Variants in OTOP2 observed in about 807,000 individuals in gnomAD.
The protein encoded by OTOP2 is proton channel OTOP2.
In OTOP2, 41 loss-of-function variants were observed where a neutral mutation model predicts 47.4. That is an observed-to-expected ratio of 0.87 (90% CI 0.67 to 1.12). The LOEUF (loss-of-function observed/expected upper bound fraction) is 1.12. Ranked by LOEUF, OTOP2 falls within the 50% of genes most tolerant of loss-of-function variation. The pLI, the probability that OTOP2 is intolerant of heterozygous loss-of-function variation, is 0.00. For synonymous variants in OTOP2, 328 were observed against 319.6 expected, an observed-to-expected ratio of 1.03 and a Z score of -0.28; for missense variants, 721 against 752.2, an observed-to-expected ratio of 0.96 and a Z score of 0.49.
rs370822492 is a variant in OTOP2 at position 74,930,310 on chromosome 17, C to T, written c.675C>T (p.Ser225=). Residue 225 remains serine (S), a synonymous_variant, in exon 6 of 7, where the codon TCC becomes TCT. Coordinates refer to ENST00000331427, the MANE Select transcript of OTOP2 (RefSeq NM_178160.3). The surrounding 1 kb of genome is among the most constrained non-coding windows in gnomAD (Gnocchi z 4.0). Reference sequence around the variant, plus strand: ...CAGACAACCCGGTCGGAGGAGACTCCTGCCTCTGCAGCACGGCCGTCTGCC... The same window carrying T: ...CAGACAACCCGGTCGGAGGAGACTCTTGCCTCTGCAGCACGGCCGTCTGCC... The part of the protein sequence containing the change: ...QHADNPVGGD[S]CLCSTAVCQI... The T allele has an allele frequency of 1.9e-6, 3 of 1,613,916 alleles. No individual in the cohort carries two copies. The highest frequency in any genetic ancestry group is 2.5e-6 in the Non-Finnish European group (3 of 1,179,856).
At chr17:74,927,488 ACCT>A (rs1206571191) in intron 4 of OTOP2, 174 bp from the exon 5 acceptor site, 3 of 1,066,410 alleles carry the variant, frequency 2.8e-6, no homozygotes, top group African/African-American at 3.2e-5. Context: ...CCCCGGGAAA[ACCT>A]CCTAGCCCTC....
In OTOP2 at chr17:74,924,404, G is replaced by T; in HGVS notation, c.-34+71G>T. On this transcript the variant is annotated intron_variant, in intron 1 of 6. Coordinates refer to ENST00000331427, the MANE Select transcript of OTOP2 (RefSeq NM_178160.3). The surrounding 1 kb of genome is among the most constrained non-coding windows in gnomAD (Gnocchi z 7.7). ...CCTTGGAGGGGTCCAACCGGGTGCT[G>T]CCGCTTCTCCTTTCTTCCCATCCAG... is the stretch of plus-strand genomic sequence containing the variant. The T allele has an allele frequency of 1.8e-6, 1 of 548,058 alleles. No individual in the cohort carries two copies. Among genetic ancestry groups the T allele is most frequent in the Non-Finnish European group, 3.1e-6 (1 of 319,220 alleles). The allele number at this position is 548,058 out of a possible 1,614,324, so 33.9% of individuals were successfully genotyped here.
At chr17:74,925,237 G>A (rs1371854373) in intron 2 of OTOP2, among the ~76,000 whole-genome samples, 1 of 152,068 alleles carries the variant, frequency 6.6e-6, no homozygotes, top group African/African-American at 2.4e-5. Flanking sequence ...CCAGAAGATG[G>A]CAGCCACTGA....
Position 74,924,941 on chromosome 17 carries a change from C to T in OTOP2, c.309C>T (p.Leu103=), listed in dbSNP as rs1439956024. ...YRDAHAGPIW[L]RGGLVLFGIC... The stretch of plus-strand genomic sequence containing the variant: ...ACGCGCACGCTGGCCCCATCTGGCT[C>T]CGAGGTGCCAGGGGAGGTGGGGGCG... Residue 103 remains leucine (L), a synonymous_variant, in exon 2 of 7, where the codon CTC becomes CTT. Transcript: ENST00000331427. The surrounding 1 kb of genome is among the most constrained non-coding windows in gnomAD (Gnocchi z 7.7). 1 of 1,558,376 alleles carries T rather than the reference C, an allele frequency of 6.4e-7. No individual in the cohort carries two copies. The highest frequency in any genetic ancestry group is 1.3e-5 in the African/African-American group (1 of 74,140).
chr17:74,927,329 T>C, intron 4 of OTOP2, 48 bp downstream of exon 4: 1 of 1,566,590 alleles, frequency 6.4e-7, no homozygotes, highest in Non-Finnish European at 8.8e-7. Flanking sequence ...GGTGTTCACC[T>C]TGCAGGAGAG....
In OTOP2 at chr17:74,927,297, C is replaced by T. The variant is rs745446779; in HGVS notation, c.509+16C>T. 1.9e-6 allele frequency: 3 copies of T among 1,608,324 alleles called. No homozygotes were observed. The highest frequency in any genetic ancestry group is 2.2e-5 in the East Asian group (1 of 44,868). On this transcript the variant is annotated intron_variant, in intron 4 of 6. Coordinates refer to ENST00000331427, the MANE Select transcript of OTOP2 (RefSeq NM_178160.3). ...ATCTGACCTGGTGAGAACTGCAGCT[C>T]GATGCCTGTACCCAGCGTGCTGGTG...
chr17:74,932,276 T>C (rs1174589812), intron 6 of OTOP2, among the ~76,000 whole-genome samples: 1 of 152,090 alleles, frequency 6.6e-6, no homozygotes, highest in Non-Finnish European at 1.5e-5. Context: ...TTAATGTGGG[T>C]ATATCCCAGG....
In OTOP2 at chr17:74,930,727, G is replaced by T. The variant is rs150890021; in HGVS notation, c.1092G>T (p.Thr364=). The T allele has an allele frequency of 2.1e-4, 345 of 1,614,018 alleles. 2 individuals carry two copies. In the Middle Eastern group the frequency reaches 2.8e-3, roughly 13 times the overall value. ...RRAMDHHKNP[T]RTLDVALLMG... is the part of the protein sequence containing the mutation. ...CCATGGACCACCATAAGAACCCCAC[G>T]CGCACTCTGGACGTGGCCCTGCTGA... The change falls in exon 6 of 7, where the codon ACG becomes ACT. Residue 364 remains threonine, a synonymous_variant. Coordinates refer to ENST00000331427, the MANE Select transcript of OTOP2 (RefSeq NM_178160.3). This position sits in a 1 kb window ranked among gnomAD's most constrained non-coding sequence, Gnocchi z 4.0.
intron 2 of OTOP2, among the ~76,000 whole-genome samples, chr17:74,925,347 C>T (rs905867114): frequency 1.3e-5 from 2 of 152,078 alleles, no homozygotes; most frequent in African/African-American, 4.8e-5. Flanking sequence ...ATACACTCAC[C>T]CTTCCATCCA....
chr17:74,924,903 G>GT lies in OTOP2; in HGVS notation c.272dup (p.Pro92ThrfsTer39), dbSNP rs1259194558. On this transcript the variant is annotated frameshift_variant, in exon 2 of 7. Coordinates refer to ENST00000331427, the MANE Select transcript of OTOP2 (RefSeq NM_178160.3). LOFTEE classifies it high-confidence loss of function. This position sits in a 1 kb window ranked among gnomAD's most constrained non-coding sequence, Gnocchi z 7.7. ...CCGAACCGTGCGCTGCCCCTGCGCG[G>GT]TACCCTACCGGGACGCGCACGCTGG... is the stretch of plus-strand genomic sequence containing the variant. 3.1e-6 allele frequency: 5 copies of GT among 1,590,572 alleles called. No homozygotes were observed. Among genetic ancestry groups the GT allele is most frequent in the Non-Finnish European group, 4.3e-6 (5 of 1,169,280 alleles).
chr17:74,927,704 C>T lies in OTOP2; in HGVS notation c.549C>T (p.Ile183=). Residue 183 remains isoleucine (I), a synonymous_variant, in exon 5 of 7, where the codon ATC becomes ATT. Coordinates refer to ENST00000331427, the MANE Select transcript of OTOP2 (RefSeq NM_178160.3). ...TCACACTCACCACCAACCTGGCCAT[C>T]TGGATGGCGGCCGTGGTGGATGAAT... ...LMFTLTTNLA[I]WMAAVVDESV... The T allele has an allele frequency of 6.2e-7, 1 of 1,614,200 alleles. No individual in the cohort carries two copies. The highest frequency in any genetic ancestry group is 1.3e-5 in the African/African-American group (1 of 75,070).
intron 5 of OTOP2, chr17:74,928,179 CAAAAAATACA>C (rs546409408): frequency 1.8e-3 from 311 of 168,972 alleles, no homozygotes; most frequent in Middle Eastern, 7.7e-3. Context: ...CCCGTCTCTA[CAAAAAATACA>C]AAAAAATAGC....
At chr17:74,925,521 TCCA>T (rs777588929) in intron 2 of OTOP2, 32 bp from the exon 3 acceptor site, 18 of 1,607,958 alleles carry the variant, frequency 1.1e-5, no homozygotes, top group Non-Finnish European at 1.4e-5. Context: ...GCCTCTTTGA[TCCA>T]CCACCACCAC....
At position 74,933,563 on chromosome 17, in the gene OTOP2, T is replaced by C. The variant is rs911765741; in HGVS notation, c.*18T>C. On this transcript the variant is annotated 3_prime_UTR_variant, in exon 7 of 7. Coordinates refer to ENST00000331427, the MANE Select transcript of OTOP2 (RefSeq NM_178160.3). This position sits in a 1 kb window ranked among gnomAD's most constrained non-coding sequence, Gnocchi z 4.7. ...TGTCCTGAGGCCTCCAACAGAGGCA[T>C]GGGGGGCAGGAAGAGGGGGCTCAGC... 6.4e-7 allele frequency: 1 copy of C among 1,566,214 alleles called. No homozygotes were observed. Among genetic ancestry groups the C allele is most frequent in the South Asian group, 1.1e-5 (1 of 87,094 alleles).
At position 74,924,965 on chromosome 17, in the gene OTOP2, C is replaced by T. The variant is rs2038993141; in HGVS notation, c.313+20C>T. On this transcript the variant is annotated intron_variant, in intron 2 of 6. Coordinates refer to ENST00000331427, the MANE Select transcript of OTOP2 (RefSeq NM_178160.3). This position sits in a 1 kb window ranked among gnomAD's most constrained non-coding sequence, Gnocchi z 7.7. ...TCCGAGGTGCCAGGGGAGGTGGGGGCGAGGTAGGGTGGGCACAACAGGGAG... is the reference window on the plus strand; with the variant it reads ...TCCGAGGTGCCAGGGGAGGTGGGGGTGAGGTAGGGTGGGCACAACAGGGAG... 3.9e-6 allele frequency: 6 copies of T among 1,534,760 alleles called. No homozygotes were observed. The highest frequency in any genetic ancestry group is 1.2e-5 in the South Asian group (1 of 82,882).
Position 74,924,612 on chromosome 17 carries a change from CCTT to C in OTOP2, c.-18_-16del. ...TCCTCCCCTACAGTGATCCCTCTAG[CCTT>C]CTCCAGTCGCCTCCGCCATGTCCGA... On this transcript the variant is annotated 5_prime_UTR_variant, in exon 2 of 7. Coordinates refer to ENST00000331427, the MANE Select transcript of OTOP2 (RefSeq NM_178160.3). This position sits in a 1 kb window ranked among gnomAD's most constrained non-coding sequence, Gnocchi z 7.7. The C allele has an allele frequency of 6.5e-7, 1 of 1,539,884 alleles. No homozygotes were observed.
chr17:74,925,866 T>C (rs1174311065), intron 3 of OTOP2, among the ~76,000 whole-genome samples, 174 bp downstream of exon 3: 1 of 152,192 alleles, frequency 6.6e-6, no homozygotes, highest in Admixed American at 6.5e-5. Context: ...TGGAAACGCC[T>C]CATAATGAAG....
intron 3 of OTOP2, among the ~76,000 whole-genome samples, chr17:74,926,595 A>G (rs1042745525): frequency 1.3e-5 from 2 of 152,008 alleles, no homozygotes; most frequent in African/African-American, 4.8e-5. Context: ...TCAAAAATCT[A>G]CTTGACCCCC....
rs774191950 is a variant in OTOP2, at chr17:74,930,589, G to A, written c.954G>A (p.Gly318=). 3 of 1,613,978 alleles carry A rather than the reference G, an allele frequency of 1.9e-6. No homozygotes were observed. The highest frequency in any genetic ancestry group is 2.5e-6 in the Non-Finnish European group (3 of 1,180,010). ...IIYEVQVSGD[G]SRTRQALVIY... ...ACGAGGTTCAAGTGAGCGGGGACGG[G>A]AGCCGCACCAGGCAGGCCCTGGTCA... is the stretch of plus-strand genomic sequence containing the variant. Residue 318 remains glycine, a synonymous_variant, in exon 6 of 7, where the codon GGG becomes GGA. Transcript: ENST00000331427. The surrounding 1 kb of genome is among the most constrained non-coding windows in gnomAD (Gnocchi z 4.0).
Sources: allele counts gnomAD v4.1 joint callset (sites outside exome capture counted in the v4.1 genomes callset), GRCh38; gene constraint gnomAD v4.1.1; non-coding constraint Gnocchi (gnomAD v3.1); transcripts MANE v1.5; gene names NCBI Gene and HGNC (gene_info 2026-07-23, HGNC 2026-07-21).